TMEM232: variants seen among roughly 807,000 people sequenced by gnomAD.
The protein encoded by TMEM232 is transmembrane protein 232.
Under a neutral mutation model 78.8 loss-of-function variants are expected in TMEM232, and 80 were observed. The ratio of observed to expected loss-of-function variants is 1.01; its 90% CI spans 0.85 to 1.22. The LOEUF (loss-of-function observed/expected upper bound fraction) is 1.22. Among genes scored for constraint, TMEM232 ranks in the 50% most tolerant of loss-of-function variants. The pLI, the probability that TMEM232 is intolerant of heterozygous loss-of-function variation, is 0.00. For missense variants in TMEM232, 881 were observed against 742.2 expected, an observed-to-expected ratio of 1.19 and a Z score of -2.17; for synonymous variants, 297 against 254.3, an observed-to-expected ratio of 1.17 and a Z score of -1.60.
intron 2 of TMEM232, among the ~76,000 whole-genome samples, chr5:110,398,156 G>C (rs1476171284): frequency 1.3e-5 from 2 of 152,074 alleles, no homozygotes; most frequent in Non-Finnish European, 2.9e-5. Context: ...GGACATGACA[G>C]TTCTCACCTG....
At chr5:110,430,709 G>C (rs763071751) in intron 12 of TMEM232, among the ~76,000 whole-genome samples, 1 of 151,458 alleles carries the variant, frequency 6.6e-6, no homozygotes, top group Non-Finnish European at 1.5e-5. Context: ...ATAAACATTT[G>C]AATAAATACA....
rs1397742760 is a variant in TMEM232, at chr5:110,406,289, C to T, written n.309-8435G>A. Among the ~76,000 whole-genome samples the T allele has an allele frequency of 5.9e-5, 9 of 151,586 alleles. No homozygotes were observed. In the South Asian group the frequency reaches 1.7e-3, roughly 28 times the overall value. ...ATACACACACACACACACACACACACACACACACACACACACATATGTGTC... is the reference window on the plus strand; with the variant it reads ...ATACACACACACACACACACACACATACACACACACACACACATATGTGTC... On this transcript the variant is annotated intron_variant and non_coding_transcript_variant, in intron 2 of 8. Coordinates refer to the TMEM232 transcript ENST00000507188.
At chr5:110,707,854 C>A (rs1796090611) in intron 1 of TMEM232, among the ~76,000 whole-genome samples, 1 of 152,190 alleles carries the variant, frequency 6.6e-6, no homozygotes, top group South Asian at 2.1e-4. Context: ...CGTGCAGAGT[C>A]ATGAGGCTCC....
In TMEM232 at chr5:110,450,375, C is replaced by A. The variant is rs570563229; in HGVS notation, c.1704-25459G>T. Among the ~76,000 whole-genome samples, 334 of 152,122 alleles carry A rather than the reference C, an allele frequency of 2.2e-3. 2 individuals carry two copies. Among genetic ancestry groups the A allele is most frequent in the African/African-American group, 7.6e-3 (315 of 41,510 alleles). ...TTTGCCTGTTTGTTTGTTTTCTTTT[C>A]TTTTCATCTCTACTACCTACTGTCC... On this transcript the variant is annotated intron_variant, in intron 12 of 13. Coordinates refer to ENST00000455884, the MANE Select transcript of TMEM232 (RefSeq NM_001039763.4).
chr5:110,716,447 C>A (rs1223839536), intron 1 of TMEM232, among the ~76,000 whole-genome samples: 2 of 152,118 alleles, frequency 1.3e-5, no homozygotes, highest in Non-Finnish European at 2.9e-5. Flanking sequence ...CCAGACAGTT[C>A]CATCTGGTGG....
At chr5:110,415,689 C>T (rs553770264), downstream of TMEM232, among the ~76,000 whole-genome samples, 1 of 152,010 alleles carries the variant, frequency 6.6e-6, no homozygotes, top group African/African-American at 2.4e-5. Context: ...GGAAGCCAAG[C>T]AAAAAGCTAG....
intron 12 of TMEM232, among the ~76,000 whole-genome samples, chr5:110,434,318 C>G (rs1291326813): frequency 6.6e-6 from 1 of 151,348 alleles, no homozygotes; most frequent in East Asian, 1.9e-4. Flanking sequence ...CACAAAAATG[C>G]TTAGAAACTA....
At chr5:110,421,964 C>G (rs188969265) in intron 13 of TMEM232, among the ~76,000 whole-genome samples, 15 of 152,218 alleles carry the variant, frequency 9.9e-5, no homozygotes, top group African/African-American at 3.4e-4. Context: ...TCTCAGGAAC[C>G]AGTTTTGCAT....
At chr5:110,600,304 C>G (rs562303539) in intron 10 of TMEM232, among the ~76,000 whole-genome samples, 9 of 152,174 alleles carry the variant, frequency 5.9e-5, no homozygotes, top group African/African-American at 1.9e-4. Context: ...CAAGAAATAA[C>G]TAAGATCAGA....
chr5:110,605,398 C>A lies in TMEM232; in HGVS notation c.1027-40G>T, dbSNP rs959194335. 4.0e-5 allele frequency: 61 copies of A among 1,514,848 alleles called. No homozygotes were observed. The Admixed American group carries it at 5.5e-4, about 14-fold the overall frequency. The allele number at this position is 1,514,848 out of a possible 1,614,324, so 93.8% of individuals were successfully genotyped here. A position where few individuals can be genotyped will look rare whatever the true frequency, so the allele number is the denominator to read the frequency against. ...TAGATATTTGATCATCAAAGTATAT[C>A]TTTGCATATCAATAACTACACAGTG... is the stretch of plus-strand genomic sequence containing the variant. On this transcript the variant is annotated intron_variant, in intron 9 of 13. Transcript: ENST00000455884.
intron 11 of TMEM232, among the ~76,000 whole-genome samples, chr5:110,534,502 T>C (rs1267714567): frequency 6.6e-6 from 1 of 152,198 alleles, no homozygotes. Flanking sequence ...CTCTCCTTTT[T>C]ATTAGGCCCC....
In TMEM232 at chr5:110,573,609, A is replaced by T. The variant is rs553975149; in HGVS notation, c.1277-4984T>A. On this transcript the variant is annotated intron_variant, in intron 10 of 13. Transcript: ENST00000455884. Reference sequence around the variant, plus strand: ...AGAGACAGATATAAAGAAAGTAAGTATAACAGTATCAGTTTATTATGAATG... The same window carrying T: ...AGAGACAGATATAAAGAAAGTAAGTTTAACAGTATCAGTTTATTATGAATG... 6.6e-3 allele frequency among the ~76,000 whole-genome samples: 1,010 copies of T among 152,246 alleles called. 11 individuals are homozygous for T. Among genetic ancestry groups the T allele is most frequent in the African/African-American group, 0.023 (946 of 41,574 alleles).
chr5:110,588,035 C>A (rs1779075205), intron 10 of TMEM232, among the ~76,000 whole-genome samples: 2 of 151,662 alleles, frequency 1.3e-5, no homozygotes, highest in South Asian at 4.2e-4. Context: ...ATAACCTTCA[C>A]CAAGGTAAGA....
At chr5:110,586,054 T>C (rs978311280) in intron 10 of TMEM232, among the ~76,000 whole-genome samples, 3 of 152,250 alleles carry the variant, frequency 2.0e-5, no homozygotes, top group Admixed American at 1.3e-4. Context: ...AGGGGGACAG[T>C]GGAGAGAAAG....
At chr5:110,594,474 A>G (rs570954162) in intron 10 of TMEM232, among the ~76,000 whole-genome samples, 2 of 152,122 alleles carry the variant, frequency 1.3e-5, no homozygotes, top group South Asian at 4.2e-4. Context: ...TCTAACCTGG[A>G]AAGGGGGCTG....
At chr5:110,522,218 T>C (rs1769630762) in intron 12 of TMEM232, among the ~76,000 whole-genome samples, 1 of 152,164 alleles carries the variant, frequency 6.6e-6, no homozygotes. Flanking sequence ...TTATCTATCG[T>C]ATAGCTCACT....
intron 11 of TMEM232, among the ~76,000 whole-genome samples, chr5:110,547,656 A>C (rs1177568106): frequency 6.6e-6 from 1 of 152,168 alleles, no homozygotes; most frequent in Non-Finnish European, 1.5e-5. Flanking sequence ...ATCTATGACA[A>C]GATATTATTC....
intron 2 of TMEM232, among the ~76,000 whole-genome samples, chr5:110,647,807 C>T (rs1461703643): frequency 6.6e-6 from 1 of 151,982 alleles, no homozygotes; most frequent in African/African-American, 2.4e-5. Context: ...ATCATAAAAA[C>T]AGCCTTATAC....
chr5:110,701,847 T>C (rs1561539663), intron 1 of TMEM232, among the ~76,000 whole-genome samples: 1 of 152,074 alleles, frequency 6.6e-6, no homozygotes, highest in Non-Finnish European at 1.5e-5. Context: ...TAAAACCTAT[T>C]CCCTGTACTT....
Sources: gnomAD v4.1 joint callset for allele counts (sites outside exome capture counted in the v4.1 genomes callset) on GRCh38, gnomAD v4.1.1 for gene constraint, MANE v1.5 for transcripts, NCBI Gene and HGNC (gene_info 2026-07-23, HGNC 2026-07-21) for gene names.